The following PCDH17 variants were observed in gnomAD, a reference collection of about 807,000 sequenced individuals.
PCDH17 encodes the protein protocadherin 17, also known as protocadherin-17.
Under a neutral mutation model 67.7 loss-of-function variants are expected in PCDH17, and 21 were observed. That is an observed-to-expected ratio of 0.31 (90% CI 0.22 to 0.45). The LOEUF is 0.45. Ranked by LOEUF, PCDH17 falls within the 20% of genes least tolerant of loss-of-function variation. PCDH17 has a pLI of 1.00. For missense variants in PCDH17, 1,471 were observed against 1,564.8 expected (o/e 0.94, Z 1.01); for synonymous variants, 701 against 656.7 (o/e 1.07, Z -1.03).
intron 3 of PCDH17, among the ~76,000 whole-genome samples, chr13:57,723,992 CCTAT>C (rs1358700279): frequency 6.6e-6 from 1 of 152,084 alleles, no homozygotes; most frequent in Admixed American, 6.5e-5. Flanking sequence ...GATCCATACG[CCTAT>C]CTAATAAAAT....
Position 57,632,365 on chromosome 13 carries a change from G to A in PCDH17, c.-182G>A. On this transcript the variant is annotated 5_prime_UTR_variant, in exon 1 of 4. Transcript: ENST00000377918. ...GATGCTGTAGATCAACAGGTTCAGGGAACTTGAGCAGAATAAGGAGAGACC... is the reference window on the plus strand; with the variant it reads ...GATGCTGTAGATCAACAGGTTCAGGAAACTTGAGCAGAATAAGGAGAGACC... 16 of 621,504 alleles carry A rather than the reference G, an allele frequency of 2.6e-5. 2 individuals are homozygous for A. The South Asian group carries it at 3.0e-4, about 12-fold the overall frequency. 38.5% of individuals were successfully genotyped at this position (621,504 alleles called of 1,614,324 possible).
At chr13:57,656,120 C>G (rs1300998883) in intron 1 of PCDH17, among the ~76,000 whole-genome samples, 1 of 151,994 alleles carries the variant, frequency 6.6e-6, no homozygotes, top group East Asian at 1.9e-4. Flanking sequence ...TCTCCTAGGG[C>G]AATTGAGAAG....
intron 3 of PCDH17, among the ~76,000 whole-genome samples, chr13:57,681,312 T>G (rs1955448282): frequency 6.6e-6 from 1 of 151,828 alleles, no homozygotes; most frequent in Non-Finnish European, 1.5e-5. Flanking sequence ...TATGTTACTT[T>G]TAAAAGGTGA....
chr13:57,663,765 T>C (rs1593911025), intron 1 of PCDH17, among the ~76,000 whole-genome samples: 1 of 152,198 alleles, frequency 6.6e-6, no homozygotes, highest in East Asian at 1.9e-4. Context: ...CTTTGTGAAA[T>C]TCTATAATTA....
Position 57,635,060 on chromosome 13 carries a change from A to T in PCDH17, c.2514A>T (p.Gly838=). 6.2e-7 allele frequency: 1 copy of T among 1,613,658 alleles called. No individual in the cohort carries two copies. Among genetic ancestry groups the T allele is most frequent in the Non-Finnish European group, 8.5e-7 (1 of 1,180,006 alleles). The change falls in exon 1 of 4, where the codon GGA becomes GGT. Residue 838 remains glycine, a synonymous_variant. Coordinates refer to ENST00000377918, the MANE Select transcript of PCDH17 (RefSeq NM_001040429.3). ...GHAGCHTSFT[G]QGTNASETPA... The stretch of plus-strand genomic sequence containing the variant: ...CGGGCTGCCACACCAGCTTCACCGG[A>T]CAAGGGACTAATGCAAGCGAGACCC...
chr13:57,683,032 A>G (rs562958662), intron 3 of PCDH17, among the ~76,000 whole-genome samples: 1 of 151,888 alleles, frequency 6.6e-6, no homozygotes, highest in African/African-American at 2.4e-5. Context: ...GGAAATAACC[A>G]TTCTAAGGTT....
At chr13:57,711,174 CA>C (rs1955772687) in intron 3 of PCDH17, among the ~76,000 whole-genome samples, 1 of 151,866 alleles carries the variant, frequency 6.6e-6, no homozygotes, top group Non-Finnish European at 1.5e-5. Context: ...AATTTTTATA[CA>C]TTATTTCATG....
chr13:57,636,716 C>T (rs746158721), intron 1 of PCDH17, among the ~76,000 whole-genome samples: 5 of 151,982 alleles, frequency 3.3e-5, no homozygotes, highest in Non-Finnish European at 5.9e-5. Context: ...ATAATCAATA[C>T]GTATTTAGAA....
rs1311919816 is a variant in PCDH17 at position 57,633,317 on chromosome 13, G to A, written c.771G>A (p.Pro257=). Reference sequence around the variant, plus strand: ...TGGTGGAACTGCCCGAGAACGCTCCGCTGGGTACAGTGGTCATCGATCTGA... The same window carrying A: ...TGGTGGAACTGCCCGAGAACGCTCCACTGGGTACAGTGGTCATCGATCTGA... ...SYLVELPENA[P]LGTVVIDLNA... Residue 257 remains proline, a synonymous_variant, in exon 1 of 4, where the codon CCG becomes CCA. Transcript: ENST00000377918. This position sits in a 1 kb window ranked among gnomAD's most constrained non-coding sequence, Gnocchi z 6.2. 1.9e-6 allele frequency: 3 copies of A among 1,613,210 alleles called. No individual in the cohort carries two copies. Among genetic ancestry groups the A allele is most frequent in the Non-Finnish European group, 1.7e-6 (2 of 1,179,992 alleles).
At chr13:57,636,054 A>G (rs573626480) in intron 1 of PCDH17, among the ~76,000 whole-genome samples, 9 of 152,318 alleles carry the variant, frequency 5.9e-5, no homozygotes, top group East Asian at 3.9e-4. Flanking sequence ...ATAAGATAGT[A>G]TGCTTCAAAG....
chr13:57,714,074 A>T (rs1000307058), intron 3 of PCDH17, among the ~76,000 whole-genome samples: 1 of 151,658 alleles, frequency 6.6e-6, no homozygotes, highest in Non-Finnish European at 1.5e-5. Flanking sequence ...ATATTAAAAT[A>T]TTAAAAACAT....
Position 57,632,476 on chromosome 13 carries a change from C to T in PCDH17, c.-71C>T. The T allele has an allele frequency of 6.7e-7, 1 of 1,489,022 alleles. No homozygotes were observed. The highest frequency in any genetic ancestry group is 9.1e-7 in the Non-Finnish European group (1 of 1,104,482). The allele number at this position is 1,489,022 out of a possible 1,614,324, so 92.2% of individuals were successfully genotyped here. A position where few individuals can be genotyped will look rare whatever the true frequency, so the allele number is the denominator to read the frequency against. On this transcript the variant is annotated 5_prime_UTR_variant, in exon 1 of 4. Transcript: ENST00000377918. ...CGCGCGCGCACGCTGCGCCAGGGCC[C>T]CAGGCTGGCGCGCACTCCCTCTCTG...
intron 3 of PCDH17, among the ~76,000 whole-genome samples, chr13:57,691,982 A>T (rs1358180906): frequency 2.6e-5 from 4 of 151,216 alleles, no homozygotes; most frequent in Non-Finnish European, 5.9e-5. Context: ...AATACAAGTA[A>T]ACCAATTTAA....
At chr13:57,714,647 G>T (rs1385993427) in intron 3 of PCDH17, among the ~76,000 whole-genome samples, 1 of 151,716 alleles carries the variant, frequency 6.6e-6, no homozygotes, top group African/African-American at 2.4e-5. Flanking sequence ...AACAGCTTTT[G>T]CTAACTACTG....
chr13:57,685,571 TA>T (rs1955497250), intron 3 of PCDH17, among the ~76,000 whole-genome samples: 2 of 151,982 alleles, frequency 1.3e-5, no homozygotes, highest in Non-Finnish European at 2.9e-5. Flanking sequence ...AATACCAGTC[TA>T]AAAATTATTT....
At chr13:57,721,687 C>T (rs946318289) in intron 3 of PCDH17, among the ~76,000 whole-genome samples, 7 of 152,062 alleles carry the variant, frequency 4.6e-5, no homozygotes, top group African/African-American at 1.7e-4. Context: ...CCTTCTCCCT[C>T]CACACTACAC....
At chr13:57,701,668 A>G (rs1955663930) in intron 3 of PCDH17, among the ~76,000 whole-genome samples, 1 of 152,116 alleles carries the variant, frequency 6.6e-6, no homozygotes, top group Admixed American at 6.6e-5. Flanking sequence ...ATGTATCCTG[A>G]ACATAGTCCC....
intron 3 of PCDH17, among the ~76,000 whole-genome samples, chr13:57,670,978 A>T (rs1955313048): frequency 6.6e-6 from 1 of 151,982 alleles, no homozygotes; most frequent in African/African-American, 2.4e-5. Flanking sequence ...TTAAGGATGT[A>T]ATGTTAATAA....
In PCDH17 at chr13:57,728,517, T is replaced by TAAAAAAAAA. The variant is rs146333612; in HGVS notation, c.*3238_*3246dup. On this transcript the variant is annotated 3_prime_UTR_variant, in exon 4 of 4. Transcript: ENST00000377918. ...TTCTAAAAATTGCTTGCAGATGAGCTAAAAAAAAAAAAAAAAAAAAAAAGC... is the reference window on the plus strand; with the variant it reads ...TTCTAAAAATTGCTTGCAGATGAGCTAAAAAAAAAAAAAAAAAAAAAAAAAAAAAAAAGC... 9 of 70,812 alleles carry TAAAAAAAAA rather than the reference T, an allele frequency of 1.3e-4. No homozygotes were observed. The highest frequency in any genetic ancestry group is 1.9e-4 in the Non-Finnish European group (7 of 37,026). The allele number at this position is 70,812 out of a possible 1,614,324, so 4.4% of individuals were successfully genotyped here.
Sources: allele counts gnomAD v4.1 joint callset (sites outside exome capture counted in the v4.1 genomes callset), GRCh38; gene constraint gnomAD v4.1.1; non-coding constraint Gnocchi (gnomAD v3.1); transcripts MANE v1.5; gene names NCBI Gene and HGNC (gene_info 2026-07-23, HGNC 2026-07-21).